The following ATF1 variants were observed in gnomAD, a reference collection of about 807,000 sequenced individuals.
ATF1 encodes the protein cyclic AMP-dependent transcription factor ATF-1.
A neutral mutation model predicts 34.7 loss-of-function variants in ATF1; 16 were observed. That is an observed-to-expected ratio of 0.46 (90% CI 0.31 to 0.70). The LOEUF (loss-of-function observed/expected upper bound fraction) is 0.70. ATF1 is among the 30% of genes least tolerant of loss of function. The pLI, the probability that ATF1 is intolerant of heterozygous loss-of-function variation, is 0.05. For missense variants in ATF1, 255 were observed against 321.6 expected, an observed-to-expected ratio of 0.79 and a Z score of 1.58; for synonymous variants, 105 against 113.1, an observed-to-expected ratio of 0.93 and a Z score of 0.46.
At chr12:50,816,639 T>C (rs1941848463) in intron 6 of ATF1, among the ~76,000 whole-genome samples, 4 of 152,016 alleles carry the variant, frequency 2.6e-5, no homozygotes. Flanking sequence ...ACACGTGTAA[T>C]CCCAGCATTT....
chr12:50,803,518 A>G (rs1352526475), intron 3 of ATF1, among the ~76,000 whole-genome samples: 3 of 151,896 alleles, frequency 2.0e-5, no homozygotes, highest in Non-Finnish European at 4.4e-5. Flanking sequence ...AAAAAATAGT[A>G]CAGTTGCTAT....
chr12:50,782,186 A>G (rs1324130454), intron 2 of ATF1, among the ~76,000 whole-genome samples: 1 of 152,174 alleles, frequency 6.6e-6, no homozygotes, highest in Non-Finnish European at 1.5e-5. Context: ...GTATGATAAC[A>G]TAATTAATGT....
In ATF1 at chr12:50,780,667, AC is replaced by A. The variant is rs369317155; in HGVS notation, c.93+430del. Among the ~76,000 whole-genome samples the A allele has an allele frequency of 5.2e-3, 755 of 144,832 alleles. 6 individuals carry two copies. The highest frequency in any genetic ancestry group is 8.7e-3 in the Non-Finnish European group (570 of 65,390). Reference sequence around the variant, plus strand: ...GCATTAATGTTAAAAAAAAAAAAAAACAAAACAAGCAAAGGCCAGGCGCAGT... The same window carrying A: ...GCATTAATGTTAAAAAAAAAAAAAAAAAAACAAGCAAAGGCCAGGCGCAGT... On this transcript the variant is annotated intron_variant, in intron 2 of 6. Coordinates refer to ENST00000262053, the MANE Select transcript of ATF1 (RefSeq NM_005171.5).
chr12:50,788,375 G>A, intron 2 of ATF1: 1 of 357,496 alleles, frequency 2.8e-6, no homozygotes, highest in South Asian at 2.1e-5. Flanking sequence ...TTGTAGAGAT[G>A]GGGTTTTGCA....
intron 3 of ATF1, 76 bp from the exon 4 acceptor site, chr12:50,809,380 A>AT: frequency 8.1e-7 from 1 of 1,241,290 alleles, no homozygotes; most frequent in African/African-American, 1.6e-5. Context: ...TCTCAAAAAA[A>AT]AAAAAAAAAA....
chr12:50,816,009 A>C (rs1941836310), intron 6 of ATF1, among the ~76,000 whole-genome samples: 1 of 152,152 alleles, frequency 6.6e-6, no homozygotes, highest in African/African-American at 2.4e-5. Flanking sequence ...TATATGTGGG[A>C]GCTAAAATAT....
intron 1 of ATF1, among the ~76,000 whole-genome samples, chr12:50,774,666 A>G (rs1940866032): frequency 6.6e-6 from 1 of 152,200 alleles, no homozygotes; most frequent in African/African-American, 2.4e-5. Flanking sequence ...TTCTGATAAC[A>G]TCAGTAAAAC....
At chr12:50,776,223 G>A (rs1476386070) in intron 1 of ATF1, among the ~76,000 whole-genome samples, 1 of 151,350 alleles carries the variant, frequency 6.6e-6, no homozygotes, top group Non-Finnish European at 1.5e-5. Flanking sequence ...GAGGCAGGAG[G>A]GAGAATGGTG....
intron 3 of ATF1, 57 bp from the exon 4 acceptor site, chr12:50,809,391 AAAAATTAT>A: frequency 7.6e-7 from 1 of 1,320,868 alleles, no homozygotes. Context: ...AAAAAAAAAA[AAAAATTAT>A]TTTTGTGAAG....
chr12:50,776,109 A>G lies in ATF1; in HGVS notation c.-6-4031A>G, dbSNP rs112298679. Among the ~76,000 whole-genome samples the G allele has an allele frequency of 9.8e-3, 1,487 of 151,972 alleles. 26 individuals carry two copies. The highest frequency in any genetic ancestry group is 0.03 in the African/African-American group (1,260 of 41,478). ...GGGCGGATCATGAGGTCAGGAGATC[A>G]AGACCATCCTGGCTAACACAGTGAA... On this transcript the variant is annotated intron_variant, in intron 1 of 6. Coordinates refer to ENST00000262053, the MANE Select transcript of ATF1 (RefSeq NM_005171.5).
chr12:50,809,368 T>C (rs1182394222), intron 3 of ATF1, 88 bp from the exon 4 acceptor site: 3 of 1,105,546 alleles, frequency 2.7e-6, no homozygotes, highest in Non-Finnish European at 3.7e-6. Context: ...AGCAAGATCT[T>C]GTCTCAAAAA....
intron 3 of ATF1, among the ~76,000 whole-genome samples, chr12:50,806,686 T>G (rs1592196714): frequency 6.6e-6 from 1 of 150,450 alleles, no homozygotes; most frequent in South Asian, 2.1e-4. Flanking sequence ...TGGACAGAGG[T>G]GTACTTGTGA....
intron 4 of ATF1, 101 bp downstream of exon 4, chr12:50,809,690 A>C (rs542900742): frequency 1.6e-6 from 2 of 1,246,936 alleles, no homozygotes; most frequent in South Asian, 3.3e-5. Flanking sequence ...GATAGTGATG[A>C]TTATTAAAGG....
chr12:50,795,781 G>C, intron 2 of ATF1, 128 bp from the exon 3 acceptor site: 1 of 728,418 alleles, frequency 1.4e-6, no homozygotes, highest in South Asian at 1.8e-5. Flanking sequence ...CTTTCTTTTA[G>C]ACTTTAGATT....
chr12:50,783,696 C>T (rs1356739022), intron 2 of ATF1, among the ~76,000 whole-genome samples: 2 of 151,734 alleles, frequency 1.3e-5, no homozygotes, highest in African/African-American at 2.4e-5. Context: ...GGTGAAACCC[C>T]GTCTCTACTA....
rs1592202625 is a variant in ATF1 at position 50,812,995 on chromosome 12, A to T, written c.329-1015A>T. Among the ~76,000 whole-genome samples, 3 of 152,356 alleles carry T rather than the reference A, an allele frequency of 2.0e-5. No homozygotes were observed. The East Asian group carries it at 5.8e-4, about 29-fold the overall frequency. On this transcript the variant is annotated intron_variant, in intron 4 of 6. Coordinates refer to ENST00000262053, the MANE Select transcript of ATF1 (RefSeq NM_005171.5). ...ATTTTGGCTTCCTGGTAGCCAAAGCATAAAAGGAAAAAAAAATGTTTCATA... is the reference window on the plus strand; with the variant it reads ...ATTTTGGCTTCCTGGTAGCCAAAGCTTAAAAGGAAAAAAAAATGTTTCATA...
intron 6 of ATF1, among the ~76,000 whole-genome samples, chr12:50,816,907 T>C (rs1391674158): frequency 6.6e-6 from 1 of 152,096 alleles, no homozygotes; most frequent in Admixed American, 6.6e-5. Flanking sequence ...AATAATCATA[T>C]AAAAGACTAC....
rs1340425885 is a variant in ATF1, at chr12:50,790,181, A to G, written c.94-5728A>G. On this transcript the variant is annotated intron_variant, in intron 2 of 6. Coordinates refer to ENST00000262053, the MANE Select transcript of ATF1 (RefSeq NM_005171.5). ...ATGGTAACTCTAGAGCTGGACTCTC[A>G]AGACTTGTGGGTTCTATTTTTTTTT... is the stretch of plus-strand genomic sequence containing the variant. 2.7e-5 allele frequency among the ~76,000 whole-genome samples: 4 copies of G among 150,474 alleles called. No individual in the cohort carries two copies. In the Admixed American group the frequency reaches 2.7e-4, roughly 10 times the overall value.
chr12:50,802,557 C>T (rs942746732), intron 3 of ATF1, among the ~76,000 whole-genome samples: 2 of 151,564 alleles, frequency 1.3e-5, no homozygotes, highest in Non-Finnish European at 2.9e-5. Flanking sequence ...AACTATAAAA[C>T]CTTGTTGAAA....
Sources: allele counts gnomAD v4.1 joint callset (sites outside exome capture counted in the v4.1 genomes callset), GRCh38; gene constraint gnomAD v4.1.1; transcripts MANE v1.5; gene names NCBI Gene and HGNC (gene_info 2026-07-23, HGNC 2026-07-21).